Variants in NFXL1 observed in about 807,000 individuals in gnomAD.
NFXL1 encodes the protein NF-X1-type zinc finger protein NFXL1.
A neutral mutation model predicts 123.3 loss-of-function variants in NFXL1; 66 were observed. The observed-to-expected ratio is 0.54, with a 90% CI of 0.44 to 0.66. The LOEUF is 0.66. Among genes scored for constraint, NFXL1 ranks in the 30% least tolerant of loss-of-function variants. NFXL1 has a pLI of 0.00. For synonymous variants in NFXL1, 346 were observed against 360.8 expected, an observed-to-expected ratio of 0.96 and a Z score of 0.46; for missense variants, 944 against 1,125.6, an observed-to-expected ratio of 0.84 and a Z score of 2.31.
At chr4:47,900,541 T>C (rs1292524583) in intron 5 of NFXL1, among the ~76,000 whole-genome samples, 1 of 152,126 alleles carries the variant, frequency 6.6e-6, no homozygotes, top group Non-Finnish European at 1.5e-5. Flanking sequence ...TGTGCCTAAG[T>C]CAAAGAAAAG....
chr4:47,889,437 T>C (rs1172770828), intron 12 of NFXL1, among the ~76,000 whole-genome samples: 1 of 152,172 alleles, frequency 6.6e-6, no homozygotes, highest in Non-Finnish European at 1.5e-5. Flanking sequence ...TGTAGTATAA[T>C]GGAAATAACA....
rs991976674 is a variant in NFXL1, at chr4:47,878,993, A to T, written c.1938+103T>A. The T allele has an allele frequency of 5.6e-6, 4 of 720,194 alleles. No homozygotes were observed. In the African/African-American group the frequency reaches 7.6e-5, roughly 14 times the overall value. 44.6% of individuals were successfully genotyped at this position (720,194 alleles called of 1,614,324 possible). A position where few individuals can be genotyped will look rare whatever the true frequency, so the allele number is the denominator to read the frequency against. ...TTGTACTCTTTATAACAGTAAAATA[A>T]CAATACTTTGACTTTGTTATTTCTA... On this transcript the variant is annotated intron_variant, in intron 16 of 22. Transcript: ENST00000507489.
intron 10 of NFXL1, among the ~76,000 whole-genome samples, chr4:47,894,535 T>C (rs1282869703): frequency 7.3e-6 from 1 of 137,414 alleles, no homozygotes; most frequent in African/African-American, 2.9e-5. Context: ...TGATATTGAA[T>C]AGTTAAAAAA....
chr4:47,897,436 C>CA (rs1482693752), intron 9 of NFXL1, among the ~76,000 whole-genome samples: 1 of 152,156 alleles, frequency 6.6e-6, no homozygotes, highest in African/African-American at 2.4e-5. Flanking sequence ...AAAGCTTACT[C>CA]AAAGTGCCAT....
chr4:47,914,303 G>A (rs1247774952), intron 1 of NFXL1, 62 bp downstream of exon 1: 2 of 952,270 alleles, frequency 2.1e-6, no homozygotes, highest in Non-Finnish European at 3.0e-6. Flanking sequence ...GTGAGGGGCC[G>A]AGTGAGGAAG....
chr4:47,911,037 CAAAAA>C, intron 2 of NFXL1, 43 bp from the exon 3 acceptor site: 1 of 1,250,940 alleles, frequency 8.0e-7, no homozygotes, highest in East Asian at 2.4e-5. Flanking sequence ...AACAATCTCT[CAAAAA>C]GAAAAGCATA....
Position 47,896,611 on chromosome 4 carries a change from C to T in NFXL1, c.1241G>A (p.Cys414Tyr). Residue 414 changes from cysteine to tyrosine, a missense_variant, in exon 10 of 23, where the codon TGT becomes TAT. Cys to Tyr is a radical substitution (Grantham distance 194). This residue lies in a region of NFXL1 where 296 missense variants were observed against 395.1 expected (regional missense o/e 0.75). Transcript: ENST00000507489. ...AAGTACTTTGTCACAACTGTCTCCA[C>T]AAGTTGGTACATCTTCTGTACAAGG... ...SLPCTEDVPTCGDSCDKVLEC... is the reference protein window; with the variant it reads ...SLPCTEDVPTYGDSCDKVLEC... The T allele has an allele frequency of 6.2e-7, 1 of 1,610,300 alleles. No individual in the cohort carries two copies. Among genetic ancestry groups the T allele is most frequent in the Non-Finnish European group, 8.5e-7 (1 of 1,176,650 alleles).
intron 12 of NFXL1, among the ~76,000 whole-genome samples, chr4:47,890,083 T>A (rs888589923): frequency 1.3e-5 from 2 of 152,030 alleles, no homozygotes; most frequent in Non-Finnish European, 2.9e-5. Flanking sequence ...TATTTTAATT[T>A]CAAATACAAT....
intron 3 of NFXL1, among the ~76,000 whole-genome samples, chr4:47,907,373 A>T (rs1400909757): frequency 6.6e-6 from 1 of 152,256 alleles, no homozygotes; most frequent in Non-Finnish European, 1.5e-5. Context: ...TTAAGAAAAC[A>T]AAAGAATAAA....
In NFXL1 at chr4:47,898,814, G is replaced by A. The variant is rs747429328; in HGVS notation, c.1032C>T (p.Val344=). The part of the protein sequence containing the change: ...PCPRVSRQKC[V]CGKKVAERSC... ...TTCTTTCAGCTACTTTTTTGCCACA[G>A]ACACACTTTTGTCTACTAACTCTTG... The change falls in exon 8 of 23, where the codon GTC becomes GTT. Residue 344 remains valine (V), a synonymous_variant. Transcript: ENST00000507489. The A allele has an allele frequency of 1.2e-6, 2 of 1,613,820 alleles. No homozygotes were observed. The highest frequency in any genetic ancestry group is 3.3e-5 in the Admixed American group (2 of 59,986).
chr4:47,891,574 T>G (rs1160032984), intron 11 of NFXL1, among the ~76,000 whole-genome samples: 1 of 152,180 alleles, frequency 6.6e-6, no homozygotes, highest in African/African-American at 2.4e-5. Context: ...TTTTCAATCA[T>G]GGACACCAGT....
chr4:47,894,849 T>A (rs1736988522), intron 10 of NFXL1, among the ~76,000 whole-genome samples: 1 of 152,204 alleles, frequency 6.6e-6, no homozygotes, highest in South Asian at 2.1e-4. Context: ...AAATGAGGAA[T>A]CCTTTCCAGA....
At position 47,848,228 on chromosome 4, in the gene NFXL1, G is replaced by C; in HGVS notation, c.2671C>G (p.Leu891Val). The C allele has an allele frequency of 1.2e-6, 2 of 1,612,530 alleles. No homozygotes were observed. The highest frequency in any genetic ancestry group is 1.7e-6 in the Non-Finnish European group (2 of 1,178,912). Residue 891 changes from leucine (L) to valine (V), a missense_variant, in exon 23 of 23, where the codon CTC becomes GTC. By Grantham distance (32) the Leu-to-Val change is conservative (BLOSUM62 1). Transcript: ENST00000507489. ...ACCACAACTCCACACACTGAAATGA[G>C]ATAATATTTATGTTTTTGCCATAGT... ...LSLWQKHKYYLISVCGVVVVV... is the reference protein window; with the variant it reads ...LSLWQKHKYYVISVCGVVVVV...
At chr4:47,849,318 T>G (rs1190269168) in intron 22 of NFXL1, among the ~76,000 whole-genome samples, 1 of 152,180 alleles carries the variant, frequency 6.6e-6, no homozygotes, top group African/African-American at 2.4e-5. Flanking sequence ...AATGGGGATT[T>G]TTATCCTACT....
intron 21 of NFXL1, 50 bp downstream of exon 21, chr4:47,851,806 A>T: frequency 8.5e-7 from 1 of 1,178,184 alleles, no homozygotes; most frequent in Admixed American, 1.9e-5. Context: ...TGCACAAAAT[A>T]AGAAGGGAAA....
chr4:47,871,874 C>A (rs1030698753), intron 18 of NFXL1, among the ~76,000 whole-genome samples: 6 of 151,852 alleles, frequency 4.0e-5, no homozygotes, highest in African/African-American at 1.5e-4. Context: ...TGTAATTATG[C>A]TAAAAAATAT....
chr4:47,894,246 T>C lies in NFXL1; in HGVS notation c.1386A>G (p.Lys462=). ...CACACTTAGTTTCACACAGATAAGG[T>C]TTATGACAAGGCATTCGTTTTGTAT... is the stretch of plus-strand genomic sequence containing the variant. ...GKHTKRMPCH[K]PYLCETKCVK... is the part of the protein sequence containing the mutation. Residue 462 remains lysine (K), a synonymous_variant, in exon 11 of 23, where the codon AAA becomes AAG. Transcript: ENST00000507489. 5 of 1,605,544 alleles carry C rather than the reference T, an allele frequency of 3.1e-6. No homozygotes were observed. Among genetic ancestry groups the C allele is most frequent in the Non-Finnish European group, 4.3e-6 (5 of 1,175,242 alleles).
chr4:47,875,617 G>A (rs182619174), intron 17 of NFXL1, among the ~76,000 whole-genome samples: 159 of 151,992 alleles, frequency 1.0e-3, no homozygotes, highest in Admixed American at 1.8e-3. Flanking sequence ...CTAAAGAATC[G>A]TCAAAGACAG....
At position 47,897,897 on chromosome 4, in the gene NFXL1, G is replaced by A. The variant is rs116577927; in HGVS notation, c.1204+70C>T. The A allele has an allele frequency of 4.3e-3, 4,043 of 939,274 alleles. 126 individuals are homozygous for A. The African/African-American group carries it at 0.061, about 14-fold the overall frequency. 58.2% of individuals were successfully genotyped at this position (939,274 alleles called of 1,614,324 possible). On this transcript the variant is annotated intron_variant, in intron 9 of 22. Coordinates refer to ENST00000507489, the MANE Select transcript of NFXL1 (RefSeq NM_001278624.2). ...TATGCACTTAAGTTTCCTGGAGGACGTCTTTTGAATGTCTTTTCATGGCTT... is the reference window on the plus strand; with the variant it reads ...TATGCACTTAAGTTTCCTGGAGGACATCTTTTGAATGTCTTTTCATGGCTT...
Sources: gnomAD v4.1 joint callset for allele counts (sites outside exome capture counted in the v4.1 genomes callset) on GRCh38, gnomAD v4.1.1 for gene constraint, gnomAD v4.1.1 regional missense constraint, MANE v1.5 for transcripts, NCBI Gene and HGNC (gene_info 2026-07-23, HGNC 2026-07-21) for gene names.